The following DACH2 variants were observed in gnomAD, a reference collection of about 807,000 sequenced individuals.
DACH2 encodes the protein dachshund family transcription factor 2.
Under a neutral mutation model 35.8 loss-of-function variants are expected in DACH2, and 17 were observed. That is an observed-to-expected ratio of 0.48 (90% CI 0.33 to 0.71). The LOEUF is 0.71. Among genes scored for constraint, DACH2 ranks in the 30% least tolerant of loss-of-function variants. The pLI, the probability that DACH2 is intolerant of heterozygous loss-of-function variation, is 0.02. For missense variants in DACH2, 469 were observed against 472.7 expected, an observed-to-expected ratio of 0.99 and a Z score of 0.07; for synonymous variants, 195 against 177.3, an observed-to-expected ratio of 1.10 and a Z score of -0.79.
chrX:86,241,869 C>T (rs995034675), intron 1 of DACH2, among the ~76,000 whole-genome samples: 4 of 112,669 alleles, frequency 3.6e-5, no homozygotes, highest in Non-Finnish European at 7.5e-5. Context: ...TCAGAGGGTA[C>T]AAGTCCCAAG....
chrX:86,314,051 G>A (rs185863980), intron 1 of DACH2, among the ~76,000 whole-genome samples: 2 of 110,782 alleles, frequency 1.8e-5, no homozygotes, highest in South Asian at 3.9e-4. Context: ...TAATAAACGT[G>A]TGTGTTCTCA....
chrX:86,188,470 C>A (rs1206280883), intron 1 of DACH2, among the ~76,000 whole-genome samples: 1 of 111,770 alleles, frequency 8.9e-6, no homozygotes, highest in East Asian at 2.8e-4. Flanking sequence ...AAATGATGTG[C>A]CCTGTGGTTG....
intron 1 of DACH2, among the ~76,000 whole-genome samples, chrX:86,272,199 A>AGAGTGTGTGT (rs1556008345): frequency 8.9e-4 from 89 of 100,483 alleles, no homozygotes; most frequent in African/African-American, 3.2e-3. Context: ...TTCCTTTGAG[A>AGAGTGTGTGT]GTGTGTGTGT....
intron 7 of DACH2, among the ~76,000 whole-genome samples, chrX:86,773,058 C>G (rs1043744337): frequency 1.8e-5 from 2 of 111,523 alleles, no homozygotes; most frequent in African/African-American, 6.5e-5. Flanking sequence ...TTCCACAAAT[C>G]CAACCTTAAA....
intron 1 of DACH2, among the ~76,000 whole-genome samples, chrX:86,173,090 A>T (rs2031178415): frequency 8.9e-6 from 1 of 112,023 alleles, no homozygotes; most frequent in Non-Finnish European, 1.9e-5. Context: ...GGATCTGTGG[A>T]TGCTTTCAGA....
chrX:86,812,932 C>T lies in DACH2; in HGVS notation c.1317C>T (p.Pro439=), dbSNP rs772992214. The T allele has an allele frequency of 2.8e-5, 34 of 1,205,998 alleles. No homozygotes were observed. The highest frequency in any genetic ancestry group is 2.7e-4 in the South Asian group (15 of 56,438). ...AGCTGACTCCTGGGCAGGCATTGCCCGCTGGATTCCCTGGACCATTCATTT... is the reference window on the plus strand; with the variant it reads ...AGCTGACTCCTGGGCAGGCATTGCCTGCTGGATTCCCTGGACCATTCATTT... The part of the protein sequence containing the change: ...KIQLTPGQAL[P]AGFPGPFIFA... The change falls in exon 8 of 12, where the codon CCC becomes CCT. Residue 439 remains proline (P), a synonymous_variant. Coordinates refer to ENST00000373125, the MANE Select transcript of DACH2 (RefSeq NM_053281.3).
At chrX:86,667,432 AAGAAAGAAAGAAGAAAG>A (rs1393726855) in intron 4 of DACH2, among the ~76,000 whole-genome samples, 1 of 81,138 alleles carries the variant, frequency 1.2e-5, no homozygotes, top group Non-Finnish European at 2.5e-5. Flanking sequence ...GAAGAAAGAA[AAGAAAGAAAGAAGAAAG>A]AGAAAGAAAG....
At chrX:86,472,729 T>A (rs1390869561) in intron 2 of DACH2, among the ~76,000 whole-genome samples, 1 of 112,025 alleles carries the variant, frequency 8.9e-6, no homozygotes, top group Non-Finnish European at 1.9e-5. Context: ...TACAGTTAGT[T>A]TCTTGATGAT....
At chrX:86,445,118 T>C (rs1392567580) in intron 2 of DACH2, among the ~76,000 whole-genome samples, 1 of 110,773 alleles carries the variant, frequency 9.0e-6, no homozygotes. Flanking sequence ...GTCACATTGC[T>C]TATTTGAGAT....
At chrX:86,738,405 T>C (rs770881882) in intron 6 of DACH2, among the ~76,000 whole-genome samples, 1 of 112,368 alleles carries the variant, frequency 8.9e-6, no homozygotes, top group African/African-American at 3.2e-5. Flanking sequence ...TGTGGAAATG[T>C]ACAAGCACAT....
At chrX:86,781,338 A>G (rs2042087448) in intron 7 of DACH2, among the ~76,000 whole-genome samples, 1 of 111,533 alleles carries the variant, frequency 9.0e-6, no homozygotes, top group Admixed American at 9.6e-5. Context: ...TTGTCCACTT[A>G]AGAGCAACCA....
Position 86,456,664 on chromosome X carries a change from C to CT in DACH2, c.528-57606dup, listed in dbSNP as rs202191856. On this transcript the variant is annotated intron_variant, in intron 2 of 11. Coordinates refer to ENST00000373125, the MANE Select transcript of DACH2 (RefSeq NM_053281.3). Reference sequence around the variant, plus strand: ...TTTCATTTATTCCTTCCGTAATGTTCTTTTTTTTTATGTAGATCTGAGTTT... The same window carrying CT: ...TTTCATTTATTCCTTCCGTAATGTTCTTTTTTTTTTATGTAGATCTGAGTTT... 9.3e-3 allele frequency among the ~76,000 whole-genome samples: 1,008 copies of CT among 108,596 alleles called. 13 individuals are homozygous for CT. The highest frequency in any genetic ancestry group is 0.032 in the African/African-American group (961 of 29,971). 94.3% of individuals were successfully genotyped at this position (108,596 alleles called of 115,157 possible).
At chrX:86,290,458 T>A (rs2034258202) in intron 1 of DACH2, among the ~76,000 whole-genome samples, 1 of 71,758 alleles carries the variant, frequency 1.4e-5, no homozygotes, top group Admixed American at 1.9e-4. Context: ...TGGCTTTTGT[T>A]GCCATTGCTT....
chrX:86,312,246 A>T (rs910194849), intron 1 of DACH2, among the ~76,000 whole-genome samples: 1 of 111,964 alleles, frequency 8.9e-6, no homozygotes, highest in African/African-American at 3.2e-5. Flanking sequence ...TTCCTTTATC[A>T]TGTAACATAA....
intron 2 of DACH2, among the ~76,000 whole-genome samples, chrX:86,386,436 C>CA: frequency 9.1e-6 from 1 of 109,646 alleles, no homozygotes; most frequent in South Asian, 3.9e-4. Flanking sequence ...TACTCTCTTT[C>CA]TTTTTTTTTC....
At chrX:86,260,110 T>G (rs1175964460) in intron 1 of DACH2, among the ~76,000 whole-genome samples, 1 of 111,037 alleles carries the variant, frequency 9.0e-6, no homozygotes, top group Non-Finnish European at 1.9e-5. Flanking sequence ...TATACTCTTT[T>G]TTTGCAATAT....
chrX:86,793,232 GT>G lies in DACH2; in HGVS notation c.1241-19615del, dbSNP rs748629498. Among the ~76,000 whole-genome samples, 266 of 108,185 alleles carry G rather than the reference GT, an allele frequency of 2.5e-3. 2 individuals are homozygous for G. Among genetic ancestry groups the G allele is most frequent in the African/African-American group, 8.2e-3 (245 of 29,803 alleles). 93.9% of individuals were successfully genotyped at this position (108,185 alleles called of 115,157 possible). A position where few individuals can be genotyped will look rare whatever the true frequency, so the allele number is the denominator to read the frequency against. The stretch of plus-strand genomic sequence containing the variant: ...GATTATTAGGTTTTTGGTTTTTTGG[GT>G]TTTTTTTTGCTATTGAGTTGTTTGA... On this transcript the variant is annotated intron_variant, in intron 7 of 11. Coordinates refer to ENST00000373125, the MANE Select transcript of DACH2 (RefSeq NM_053281.3).
At chrX:86,328,673 T>C (rs2148046209) in intron 1 of DACH2, among the ~76,000 whole-genome samples, 1 of 112,014 alleles carries the variant, frequency 8.9e-6, no homozygotes, top group South Asian at 3.7e-4. Context: ...ACATATGTTC[T>C]GAAGTCTGCT....
intron 3 of DACH2, among the ~76,000 whole-genome samples, chrX:86,553,994 G>A (rs1374181836): frequency 2.7e-5 from 3 of 111,146 alleles, no homozygotes. Context: ...GTGCTTTACA[G>A]CAAGTTTCTT....
Sources: allele counts gnomAD v4.1 joint callset (sites outside exome capture counted in the v4.1 genomes callset), GRCh38; gene constraint gnomAD v4.1.1; transcripts MANE v1.5; gene names NCBI Gene and HGNC (gene_info 2026-07-23, HGNC 2026-07-21).